MBD5: variants seen among roughly 807,000 people sequenced by gnomAD.
The protein encoded by MBD5 is methyl-CpG binding domain protein 5.
In MBD5, 13 loss-of-function variants were observed where a neutral mutation model predicts 117.3. That is an observed-to-expected ratio of 0.11 (90% CI 0.07 to 0.18). MBD5 has a LOEUF of 0.18. MBD5 is among the 10% of genes least tolerant of loss of function. The probability of loss-of-function intolerance (pLI) is 1.00; values close to 1 mark genes in which losing one functional copy is unlikely to be tolerated. For synonymous variants in MBD5, 727 were observed against 766.4 expected (o/e 0.95, Z 0.85); for missense variants, 1,879 against 2,093.8 (o/e 0.90, Z 2.00).
chr2:148,260,680 C>T (rs1700710527), intron 3 of MBD5: 2 of 211,196 alleles, frequency 9.5e-6, no homozygotes, highest in South Asian at 8.8e-5. Flanking sequence ...CACCACCAAC[C>T]AGATGCTGCT....
chr2:148,300,221 A>T (rs1701750416), intron 3 of MBD5, among the ~76,000 whole-genome samples: 1 of 151,918 alleles, frequency 6.6e-6, no homozygotes, highest in African/African-American at 2.4e-5. Context: ...CATCCAGCTA[A>T]TTTTTTGTAT....
intron 4 of MBD5, among the ~76,000 whole-genome samples, chr2:148,385,134 G>A (rs6730847): frequency 0.74 from 112,476 of 151,430 alleles, 42,505 homozygotes; most frequent in African/African-American, 0.89. Flanking sequence ...AAACTAAAGA[G>A]CTTGTGCACA....
chr2:148,200,268 A>G (rs544479840), intron 2 of MBD5, among the ~76,000 whole-genome samples: 1 of 152,104 alleles, frequency 6.6e-6, no homozygotes, highest in African/African-American at 2.4e-5. Context: ...ACTACGCAAC[A>G]CCGAGGCAGG....
chr2:148,024,634 A>G (rs1693848390), intron 1 of MBD5, among the ~76,000 whole-genome samples: 1 of 152,142 alleles, frequency 6.6e-6, no homozygotes. Context: ...ACTATCATGA[A>G]CATTTTTTCT....
intron 3 of MBD5, among the ~76,000 whole-genome samples, chr2:148,259,293 A>G (rs893639961): frequency 6.6e-6 from 1 of 152,158 alleles, no homozygotes; most frequent in Admixed American, 6.5e-5. Context: ...CTTCTAGTGC[A>G]GTCAAAAATG....
rs73011217 is a variant in MBD5, at chr2:148,221,893, T to C, written c.-830-11352T>C. On this transcript the variant is annotated intron_variant, in intron 2 of 13. Coordinates refer to ENST00000642680, the MANE Select transcript of MBD5 (RefSeq NM_001378120.1). ...TTGTAGTAGTTTCATAATCTGAGGGTCTTAGGTTTAAATCTTTAATGTATT... is the reference window on the plus strand; with the variant it reads ...TTGTAGTAGTTTCATAATCTGAGGGCCTTAGGTTTAAATCTTTAATGTATT... 3.7e-3 allele frequency among the ~76,000 whole-genome samples: 566 copies of C among 152,208 alleles called. 3 individuals carry two copies. Among genetic ancestry groups the C allele is most frequent in the African/African-American group, 0.013 (526 of 41,554 alleles).
rs186568011 is a variant in MBD5 at position 148,342,023 on chromosome 2, T to G, written c.-679-191T>G. Among the ~76,000 whole-genome samples the G allele has an allele frequency of 1.6e-3, 245 of 152,150 alleles. 2 individuals carry two copies. The Middle Eastern group carries it at 0.024, about 15-fold the overall frequency. On this transcript the variant is annotated intron_variant, in intron 3 of 13. Coordinates refer to ENST00000642680, the MANE Select transcript of MBD5 (RefSeq NM_001378120.1). ...ACATATGAAAATAAAGTATAGAACA[T>G]TTGCTTTAATTATTTCTGGTAGTTA...
chr2:148,349,893 A>G (rs1359698929), intron 4 of MBD5, among the ~76,000 whole-genome samples: 2 of 151,986 alleles, frequency 1.3e-5, no homozygotes, highest in Non-Finnish European at 2.9e-5. Flanking sequence ...TTCACATGTA[A>G]TTCCTTCTGC....
At chr2:148,306,108 G>T (rs1410286945) in intron 3 of MBD5, among the ~76,000 whole-genome samples, 2 of 152,120 alleles carry the variant, frequency 1.3e-5, no homozygotes, top group Non-Finnish European at 2.9e-5. Context: ...CCCAGGCTAG[G>T]ATAGCAAGCC....
At chr2:148,136,496 A>T (rs1697175463) in intron 1 of MBD5, among the ~76,000 whole-genome samples, 2 of 152,202 alleles carry the variant, frequency 1.3e-5, no homozygotes, top group Non-Finnish European at 2.9e-5. Flanking sequence ...CTCTGGATAC[A>T]TTTGTTGTAG....
chr2:148,023,646 A>G (rs1300762407), intron 1 of MBD5, among the ~76,000 whole-genome samples: 2 of 152,238 alleles, frequency 1.3e-5, no homozygotes. Context: ...AGACAGTAGA[A>G]CTTACTGAAG....
chr2:148,031,139 A>AT (rs1558894284), intron 1 of MBD5, among the ~76,000 whole-genome samples: 1 of 152,162 alleles, frequency 6.6e-6, no homozygotes, highest in Admixed American at 6.5e-5. Context: ...TTATATGTTC[A>AT]CTCAAAATAC....
intron 4 of MBD5, among the ~76,000 whole-genome samples, chr2:148,388,375 AT>A (rs1704444939): frequency 6.6e-6 from 1 of 152,190 alleles, no homozygotes; most frequent in Non-Finnish European, 1.5e-5. Context: ...CTTTTGAACC[AT>A]TTTATTTAAA....
chr2:148,128,125 T>C (rs1282947428), intron 1 of MBD5, among the ~76,000 whole-genome samples: 1 of 152,200 alleles, frequency 6.6e-6, no homozygotes, highest in African/African-American at 2.4e-5. Context: ...AGACTCTGGA[T>C]ATTAAACCTT....
chr2:148,069,853 TA>T (rs1277535146), intron 1 of MBD5, among the ~76,000 whole-genome samples: 1 of 152,166 alleles, frequency 6.6e-6, no homozygotes, highest in African/African-American at 2.4e-5. Flanking sequence ...TTACAAGTGG[TA>T]TTTTTTTACA....
At chr2:148,296,045 G>T in intron 3 of MBD5, 1 of 170,350 alleles carries the variant, frequency 5.9e-6, no homozygotes. Context: ...GATATATTTT[G>T]TTCTATATCA....
intron 1 of MBD5, among the ~76,000 whole-genome samples, chr2:148,063,165 T>C (rs1484390487): frequency 6.6e-6 from 1 of 152,196 alleles, no homozygotes; most frequent in Non-Finnish European, 1.5e-5. Context: ...GTTACTTTTA[T>C]AATTTCCTTT....
intron 1 of MBD5, among the ~76,000 whole-genome samples, chr2:148,157,780 G>A (rs909782802): frequency 6.6e-6 from 1 of 152,170 alleles, no homozygotes; most frequent in Non-Finnish European, 1.5e-5. Flanking sequence ...AGAAGTAAGT[G>A]TGCTATGAAA....
At chr2:148,433,483 G>T (rs1195299166) in intron 4 of MBD5, among the ~76,000 whole-genome samples, 1 of 152,108 alleles carries the variant, frequency 6.6e-6, no homozygotes, top group Non-Finnish European at 1.5e-5. Flanking sequence ...ATTGGCTGTG[G>T]GTTTGTCATG....
Sources: gnomAD v4.1 joint callset for allele counts (sites outside exome capture counted in the v4.1 genomes callset) on GRCh38, gnomAD v4.1.1 for gene constraint, MANE v1.5 for transcripts, NCBI Gene and HGNC (gene_info 2026-07-23, HGNC 2026-07-21) for gene names.